The following CNTN4 variants were observed in gnomAD, a reference collection of about 807,000 sequenced individuals.
CNTN4 encodes contactin 4, also known as contactin-4.
A neutral mutation model predicts 122.5 loss-of-function variants in CNTN4; 77 were observed. The observed-to-expected ratio is 0.63, with a 90% confidence interval of 0.52 to 0.76. The LOEUF (loss-of-function observed/expected upper bound fraction) is 0.76, where lower values mean the gene tolerates loss of function less well. CNTN4 is among the 30% of genes least tolerant of loss of function. The probability of loss-of-function intolerance (pLI) is 0.00; values close to 1 mark genes in which losing one functional copy is unlikely to be tolerated. For missense variants in CNTN4, 1,256 were observed against 1,259.1 expected (o/e 1.00, Z 0.04); for synonymous variants, 512 against 447.0 (o/e 1.15, Z -1.83).
At chr3:2,507,628 G>A (rs568051059) in intron 3 of CNTN4, among the ~76,000 whole-genome samples, 326 of 151,452 alleles carry the variant, frequency 2.2e-3, no homozygotes, top group African/African-American at 6.4e-3. Flanking sequence ...CCAGCTACTC[G>A]GGAGGCTGAG....
chr3:2,904,331 C>T (rs558156100), intron 12 of CNTN4, among the ~76,000 whole-genome samples: 1 of 152,310 alleles, frequency 6.6e-6, no homozygotes, highest in African/African-American at 2.4e-5. Flanking sequence ...GCATGTAAAT[C>T]TTGCATATAG....
intron 2 of CNTN4, among the ~76,000 whole-genome samples, chr3:2,277,224 C>T (rs1012353214): frequency 3.3e-5 from 5 of 152,050 alleles, no homozygotes; most frequent in East Asian, 1.9e-4. Flanking sequence ...CATTTAAATA[C>T]GTAATTTAAT....
At chr3:2,743,964 A>C (rs1319712876) in intron 5 of CNTN4, among the ~76,000 whole-genome samples, 1 of 152,074 alleles carries the variant, frequency 6.6e-6, no homozygotes, top group African/African-American at 2.4e-5. Context: ...GCATGCATGC[A>C]CCACCACACC....
chr3:2,592,587 A>G (rs2080550925), intron 4 of CNTN4, among the ~76,000 whole-genome samples: 1 of 152,118 alleles, frequency 6.6e-6, no homozygotes, highest in South Asian at 2.1e-4. Context: ...TCTCTGCACA[A>G]ACTCTCTCTT....
At position 2,104,229 on chromosome 3, in the gene CNTN4, C is replaced by CGTGTGT. The variant is rs142907603; in HGVS notation, c.-145+3612_-145+3617dup. Among the ~76,000 whole-genome samples the CGTGTGT allele has an allele frequency of 5.9e-3, 798 of 135,658 alleles. 16 individuals carry two copies. The highest frequency in any genetic ancestry group is 0.035 in the East Asian group (173 of 4,874). The allele number at this position is 135,658 out of a possible 152,430, so 89.0% of individuals were successfully genotyped here. A position where few individuals can be genotyped will look rare whatever the true frequency, so the allele number is the denominator to read the frequency against. Reference sequence around the variant, plus strand: ...TCCACTTCTGTGCCATTTATGTCTACGTGTGTGTGTGTGTGTGTGTGTGTG... The same window carrying CGTGTGT: ...TCCACTTCTGTGCCATTTATGTCTACGTGTGTGTGTGTGTGTGTGTGTGTGTGTGTG... On this transcript the variant is annotated intron_variant, in intron 2 of 24. Transcript: ENST00000418658.
intron 6 of CNTN4, among the ~76,000 whole-genome samples, chr3:2,777,793 A>T (rs2091386855): frequency 6.6e-6 from 1 of 152,198 alleles, no homozygotes; most frequent in Non-Finnish European, 1.5e-5. Context: ...ATAACCAAAT[A>T]ATTGTATCCT....
intron 4 of CNTN4, among the ~76,000 whole-genome samples, chr3:2,589,213 A>G (rs2080345640): frequency 6.6e-6 from 1 of 152,164 alleles, no homozygotes; most frequent in South Asian, 2.1e-4. Context: ...ATTTTGACAG[A>G]GTGCTGAGTA....
At chr3:2,555,818 G>T (rs1377394529) in intron 3 of CNTN4, among the ~76,000 whole-genome samples, 2 of 152,170 alleles carry the variant, frequency 1.3e-5, no homozygotes, top group Admixed American at 1.3e-4. Flanking sequence ...GGCTTGATCA[G>T]AGTTGTACTA....
intron 4 of CNTN4, among the ~76,000 whole-genome samples, chr3:2,722,655 A>G (rs765496652): frequency 2.6e-5 from 4 of 152,180 alleles, no homozygotes; most frequent in Admixed American, 6.5e-5. Context: ...ATTCAAGTCA[A>G]TGGCATTTTT....
In CNTN4 at chr3:2,851,846, A is replaced by G. The variant is rs568511505; in HGVS notation, c.455-14906A>G. Among the ~76,000 whole-genome samples the G allele has an allele frequency of 9.7e-4, 148 of 152,344 alleles. 1 individual carries two copies. Among genetic ancestry groups the G allele is most frequent in the African/African-American group, 3.4e-3 (143 of 41,590 alleles). On this transcript the variant is annotated intron_variant, in intron 7 of 24. Transcript: ENST00000418658. ...GTACTGCCCTAATCACTTACTAACTAAAAAGAAGAAGAAAAAATAATAAAA... is the reference window on the plus strand; with the variant it reads ...GTACTGCCCTAATCACTTACTAACTGAAAAGAAGAAGAAAAAATAATAAAA...
At chr3:2,895,813 T>C (rs1016911756) in intron 10 of CNTN4, among the ~76,000 whole-genome samples, 13 of 152,132 alleles carry the variant, frequency 8.5e-5, no homozygotes, top group African/African-American at 2.4e-4. Flanking sequence ...GGCGGGCGGA[T>C]CACAAGGTCA....
At chr3:2,548,835 G>T (rs776668326) in intron 3 of CNTN4, among the ~76,000 whole-genome samples, 2 of 152,018 alleles carry the variant, frequency 1.3e-5, no homozygotes, top group Non-Finnish European at 2.9e-5. Context: ...TTTTGTTTGC[G>T]TCGTCTCTTA....
chr3:2,600,797 A>G (rs930661553), intron 4 of CNTN4, among the ~76,000 whole-genome samples: 29 of 152,172 alleles, frequency 1.9e-4, no homozygotes, highest in African/African-American at 5.6e-4. Context: ...CAATGGTTGA[A>G]CTAGTTTACA....
chr3:2,315,766 G>T (rs987420320), intron 2 of CNTN4, among the ~76,000 whole-genome samples: 4 of 151,936 alleles, frequency 2.6e-5, no homozygotes, highest in African/African-American at 9.7e-5. Flanking sequence ...TTTAACTAGT[G>T]TTGAGTCTTG....
At chr3:2,922,082 T>G (rs1559670310) in intron 12 of CNTN4, among the ~76,000 whole-genome samples, 1 of 152,202 alleles carries the variant, frequency 6.6e-6, no homozygotes, top group Non-Finnish European at 1.5e-5. Flanking sequence ...AGAAATATTA[T>G]CATTTAAGTA....
At chr3:2,367,520 CTTTTT>C (rs566407814) in intron 3 of CNTN4, among the ~76,000 whole-genome samples, 1 of 151,980 alleles carries the variant, frequency 6.6e-6, no homozygotes, top group Non-Finnish European at 1.5e-5. Context: ...TGAGATGAGT[CTTTTT>C]TTTATTTTTA....
chr3:2,107,282 T>A (rs7427423), intron 2 of CNTN4, among the ~76,000 whole-genome samples: 1 of 152,184 alleles, frequency 6.6e-6, no homozygotes, highest in Non-Finnish European at 1.5e-5. Context: ...TCTCACATTG[T>A]TATAAAGAAC....
chr3:2,562,021 A>G (rs1307861321), intron 3 of CNTN4, among the ~76,000 whole-genome samples: 2 of 152,078 alleles, frequency 1.3e-5, no homozygotes, highest in Non-Finnish European at 2.9e-5. Flanking sequence ...TCTTGATTTT[A>G]TTGTAATAAG....
intron 3 of CNTN4, among the ~76,000 whole-genome samples, chr3:2,518,939 T>C (rs2077118924): frequency 1.3e-5 from 2 of 152,106 alleles, no homozygotes; most frequent in African/African-American, 2.4e-5. Flanking sequence ...AGTGCTTCTA[T>C]ATTAGGTTGA....
Sources: allele counts gnomAD v4.1 joint callset (sites outside exome capture counted in the v4.1 genomes callset), GRCh38; gene constraint gnomAD v4.1.1; transcripts MANE v1.5; gene names NCBI Gene and HGNC (gene_info 2026-07-23, HGNC 2026-07-21).